VPS37A: variants seen among roughly 807,000 people sequenced by gnomAD.
The protein encoded by VPS37A is vacuolar protein sorting-associated protein 37A.
A neutral mutation model predicts 49.8 loss-of-function variants in VPS37A; 30 were observed. The observed-to-expected ratio is 0.60, with a 90% CI of 0.45 to 0.82. The LOEUF is 0.82. Among genes scored for constraint, VPS37A ranks in the 40% least tolerant of loss-of-function variants. The pLI is 0.00. For missense variants in VPS37A, 593 were observed against 464.4 expected (o/e 1.28, Z -2.55); for synonymous variants, 195 against 160.6 (o/e 1.21, Z -1.62).
the VPS37A span, chr8:17,311,380 T>G: frequency 3.1e-5 from 38 of 1,216,608 alleles, no homozygotes; most frequent in South Asian, 5.3e-4. Flanking sequence ...TCTCTTCCCC[T>G]TTAATCTTGC....
downstream of VPS37A, chr8:17,301,719 AAAGAT>A (rs1414615343): frequency 5.9e-6 from 1 of 168,998 alleles, no homozygotes; most frequent in Non-Finnish European, 1.3e-5. Flanking sequence ...ATAGAAGCCA[AAAGAT>A]AAGACTTTAC....
intron 1 of VPS37A, among the ~76,000 whole-genome samples, chr8:17,250,216 C>T (rs1811844817): frequency 6.6e-6 from 1 of 152,148 alleles, no homozygotes; most frequent in South Asian, 2.1e-4. Flanking sequence ...GAGAGCTTTA[C>T]TTCTGAGGCC....
intron 6 of VPS37A, chr8:17,279,630 T>G: frequency 3.2e-6 from 1 of 308,706 alleles, no homozygotes; most frequent in Non-Finnish European, 6.3e-6. Flanking sequence ...ATATTACTGC[T>G]GTCCTATTTT....
chr8:17,279,769 A>G (rs978375441), intron 6 of VPS37A: 12 of 520,320 alleles, frequency 2.3e-5, no homozygotes, highest in Admixed American at 2.0e-4. Flanking sequence ...ATTTTTAAAG[A>G]AAGTAGATAT....
downstream of VPS37A, among the ~76,000 whole-genome samples, chr8:17,304,995 A>C (rs1817360486): frequency 6.6e-6 from 1 of 152,152 alleles, no homozygotes; most frequent in Non-Finnish European, 1.5e-5. Flanking sequence ...ACCCAAGCAG[A>C]TACTGTTAGA....
At chr8:17,272,946 T>C (rs1459201117) in intron 4 of VPS37A, among the ~76,000 whole-genome samples, 2 of 151,876 alleles carry the variant, frequency 1.3e-5, no homozygotes, top group African/African-American at 4.8e-5. Flanking sequence ...TGAGCTGTTT[T>C]ATTCATCTAC....
intron 6 of VPS37A, among the ~76,000 whole-genome samples, chr8:17,278,168 A>G (rs1373928854): frequency 6.6e-6 from 1 of 151,996 alleles, no homozygotes; most frequent in Non-Finnish European, 1.5e-5. Context: ...GCCAATACTT[A>G]TGTCATAATT....
At chr8:17,262,444 A>T (rs1410610680) in intron 1 of VPS37A, among the ~76,000 whole-genome samples, 2 of 152,210 alleles carry the variant, frequency 1.3e-5, no homozygotes, top group Admixed American at 1.3e-4. Context: ...TTTAGCCCCA[A>T]CAAATTCAGA....
rs201073603 is a variant in VPS37A, at chr8:17,280,435, C to G, written c.961C>G (p.Leu321Val). The G allele has an allele frequency of 1.6e-5, 26 of 1,607,254 alleles. No individual in the cohort carries two copies. The East Asian group carries it at 4.9e-4, about 30-fold the overall frequency. ...FEKKMQRQHE[L>V]SESCSASALQ... ...AAAGAAGATGCAAAGGCAGCATGAA[C>G]TTAGTGAGGTAAGACTGTTTATTTT... The change falls in exon 9 of 12, where the codon CTT (leucine) becomes GTT (valine). Residue 321 changes from leucine to valine, a missense_variant. Leu to Val is a conservative substitution (Grantham distance 32). Transcript: ENST00000324849.
chr8:17,254,633 T>A (rs79989258), intron 1 of VPS37A, among the ~76,000 whole-genome samples: 8 of 149,102 alleles, frequency 5.4e-5, no homozygotes, highest in Admixed American at 2.7e-4. Context: ...CTTTTTCTTC[T>A]TTTTTTTTTA....
downstream of VPS37A, chr8:17,302,164 G>T: frequency 1.2e-6 from 2 of 1,614,070 alleles, no homozygotes; most frequent in Non-Finnish European, 1.7e-6. Context: ...TTCTTCCAGG[G>T]CCTCTAGTTC....
At chr8:17,322,950 CTT>C in the VPS37A span, among the ~76,000 whole-genome samples, 14 of 125,740 alleles carry the variant, frequency 1.1e-4, no homozygotes, top group Admixed American at 3.5e-4. Flanking sequence ...ATTGAATTAT[CTT>C]TTTTTTTTTT....
At chr8:17,293,373 G>A (rs1209295595) in intron 11 of VPS37A, among the ~76,000 whole-genome samples, 2 of 151,764 alleles carry the variant, frequency 1.3e-5, no homozygotes, top group African/African-American at 4.8e-5. Flanking sequence ...CTTTTATCAA[G>A]GTTCTTAGCT....
At chr8:17,307,552 T>C in the VPS37A span, among the ~76,000 whole-genome samples, 1 of 152,114 alleles carries the variant, frequency 6.6e-6, no homozygotes, top group Non-Finnish European at 1.5e-5. Flanking sequence ...ACCCAAAGGA[T>C]TATAAATCAT....
chr8:17,287,669 C>G (rs1335603776), intron 11 of VPS37A, among the ~76,000 whole-genome samples: 1 of 151,528 alleles, frequency 6.6e-6, no homozygotes, highest in Non-Finnish European at 1.5e-5. Context: ...CAGAGCAAGA[C>G]TCTGTCTCAA....
the VPS37A span, chr8:17,311,660 G>C: frequency 1.2e-6 from 2 of 1,613,790 alleles, no homozygotes; most frequent in Non-Finnish European, 8.5e-7. Flanking sequence ...GATCCGCAAA[G>C]AGTCACAAAG....
chr8:17,255,396 A>G (rs901350614), intron 1 of VPS37A, among the ~76,000 whole-genome samples: 1 of 152,094 alleles, frequency 6.6e-6, no homozygotes, highest in Non-Finnish European at 1.5e-5. Context: ...CAGGACAATC[A>G]CGTGAACCTG....
chr8:17,283,102 G>C (rs1815242432), intron 9 of VPS37A, among the ~76,000 whole-genome samples: 1 of 152,222 alleles, frequency 6.6e-6, no homozygotes, highest in Middle Eastern at 3.4e-3. Flanking sequence ...ATGAGAAAAT[G>C]GTGCATTACA....
downstream of VPS37A, chr8:17,299,729 C>G (rs1332616090): frequency 1.5e-6 from 2 of 1,302,224 alleles, no homozygotes; most frequent in South Asian, 3.1e-5. Context: ...CACTTTTTTC[C>G]CTTTTCATAG....
Sources: gnomAD v4.1 joint callset for allele counts (sites outside exome capture counted in the v4.1 genomes callset) on GRCh38, gnomAD v4.1.1 for gene constraint, MANE v1.5 for transcripts, NCBI Gene and HGNC (gene_info 2026-07-23, HGNC 2026-07-21) for gene names.